The following CHD9 variants were observed in gnomAD, a reference collection of about 807,000 sequenced individuals.
The protein encoded by CHD9 is ATP-dependent chromatin remodeler CHD9.
Under a neutral mutation model 316.1 loss-of-function variants are expected in CHD9, and 77 were observed. The ratio of observed to expected loss-of-function variants is 0.24; its 90% CI spans 0.20 to 0.29. CHD9 has a LOEUF of 0.29. Among genes scored for constraint, CHD9 ranks in the 10% least tolerant of loss-of-function variants. The pLI, the probability that CHD9 is intolerant of heterozygous loss-of-function variation, is 1.00. For missense variants in CHD9, 2,763 were observed against 3,438.1 expected, an observed-to-expected ratio of 0.80 and a Z score of 4.91; for synonymous variants, 1,129 against 1,158.3, an observed-to-expected ratio of 0.97 and a Z score of 0.51.
At chr16:53,295,667 A>G (rs1162261887) in intron 29 of CHD9, among the ~76,000 whole-genome samples, 2 of 152,132 alleles carry the variant, frequency 1.3e-5, no homozygotes, top group Non-Finnish European at 2.9e-5. Context: ...CTTATTACCC[A>G]GATTTAATGA....
chr16:53,068,944 C>T (rs2033763500), intron 1 of CHD9, among the ~76,000 whole-genome samples: 1 of 152,196 alleles, frequency 6.6e-6, no homozygotes, highest in Admixed American at 6.5e-5. Flanking sequence ...TGGTAAAATA[C>T]ACATGACATT....
intron 1 of CHD9, among the ~76,000 whole-genome samples, chr16:53,114,160 A>T (rs2038089806): frequency 3.3e-5 from 5 of 152,138 alleles, no homozygotes; most frequent in Non-Finnish European, 7.4e-5. Context: ...AAACATATGA[A>T]CAAGCATTTT....
At chr16:53,260,585 G>C (rs934055643) in intron 19 of CHD9, among the ~76,000 whole-genome samples, 2 of 152,178 alleles carry the variant, frequency 1.3e-5, no homozygotes, top group African/African-American at 4.8e-5. Context: ...AAGCCCATGA[G>C]GTTCATGGCT....
At chr16:53,059,166 T>C (rs753290077) in intron 1 of CHD9, among the ~76,000 whole-genome samples, 13 of 152,196 alleles carry the variant, frequency 8.5e-5, no homozygotes, top group Admixed American at 3.3e-4. Flanking sequence ...ATCAGAAATC[T>C]CAGGACGTGG....
rs772443637 is a variant in CHD9, at chr16:53,209,570, G to GA, written c.1547dup (p.Val517GlyfsTer11). The GA allele has an allele frequency of 6.2e-7, 1 of 1,613,718 alleles. No homozygotes were observed. Among genetic ancestry groups the GA allele is most frequent in the East Asian group, 2.2e-5 (1 of 44,858 alleles). On this transcript the variant is annotated frameshift_variant, in exon 3 of 39. Coordinates refer to ENST00000447540, the MANE Select transcript of CHD9 (RefSeq NM_001308319.2). LOFTEE classifies it high-confidence loss of function. ...AGGGTCATGTCTGAGAAGAAGCAGA[G>GA]AAAAAAGGTGGAATCAGAAAGCAAG...
At chr16:53,309,705 C>T (rs1308307731) in intron 34 of CHD9, among the ~76,000 whole-genome samples, 3 of 152,130 alleles carry the variant, frequency 2.0e-5, no homozygotes, top group South Asian at 2.1e-4. Flanking sequence ...TGACCTCAAA[C>T]GATCCTCCCA....
At chr16:53,069,341 A>G (rs1567305643) in intron 1 of CHD9, among the ~76,000 whole-genome samples, 1 of 152,128 alleles carries the variant, frequency 6.6e-6, no homozygotes, top group Non-Finnish European at 1.5e-5. Context: ...GTGCGTTCAC[A>G]TTGTTGTACA....
intron 1 of CHD9, among the ~76,000 whole-genome samples, chr16:53,066,606 C>T (rs1470436009): frequency 1.3e-5 from 2 of 152,254 alleles, no homozygotes; most frequent in East Asian, 3.9e-4. Flanking sequence ...AGGAAGGCTG[C>T]TAGTCTAATG....
At chr16:53,289,568 CA>C (rs2054160183) in intron 27 of CHD9, among the ~76,000 whole-genome samples, 1 of 152,062 alleles carries the variant, frequency 6.6e-6, no homozygotes, top group Non-Finnish European at 1.5e-5. Flanking sequence ...TCGTCTGGAC[CA>C]ATCAGGAGAG....
chr16:53,095,351 G>C (rs1322325742), intron 1 of CHD9, among the ~76,000 whole-genome samples: 1 of 151,980 alleles, frequency 6.6e-6, no homozygotes, highest in African/African-American at 2.4e-5. Flanking sequence ...TTCAAGACCA[G>C]CCTGGGCAAC....
intron 22 of CHD9, among the ~76,000 whole-genome samples, chr16:53,270,657 G>A (rs1481061035): frequency 2.0e-5 from 3 of 152,012 alleles, no homozygotes; most frequent in African/African-American, 4.8e-5. Flanking sequence ...TTTAAAATAA[G>A]CATAAACTCT....
intron 1 of CHD9, among the ~76,000 whole-genome samples, chr16:53,145,724 AC>A (rs750873011): frequency 9.2e-5 from 14 of 151,996 alleles, no homozygotes; most frequent in Non-Finnish European, 1.0e-4. Context: ...AAATTGGGTC[AC>A]AGTTTGGGAT....
intron 2 of CHD9, among the ~76,000 whole-genome samples, chr16:53,179,042 G>A (rs962168306): frequency 9.2e-5 from 14 of 152,048 alleles, no homozygotes; most frequent in Admixed American, 5.9e-4. Flanking sequence ...AATTAAAAAC[G>A]AAATTGTCTT....
At chr16:53,298,795 C>CAT (rs1158467984) in intron 30 of CHD9, 2 of 155,420 alleles carry the variant, frequency 1.3e-5, no homozygotes, top group Non-Finnish European at 2.9e-5. Context: ...TTAAAGACCC[C>CAT]ATAGCTCATT....
At chr16:53,254,707 A>G (rs1433228997) in intron 18 of CHD9, 102 bp downstream of exon 18, 1 of 1,018,510 alleles carries the variant, frequency 9.8e-7, no homozygotes, top group African/African-American at 1.6e-5. Flanking sequence ...AGAATACTAA[A>G]CACATTTGTT....
At chr16:53,119,401 A>C (rs949671611) in intron 1 of CHD9, among the ~76,000 whole-genome samples, 2 of 152,276 alleles carry the variant, frequency 1.3e-5, no homozygotes, top group South Asian at 2.1e-4. Flanking sequence ...AGATTGTGAT[A>C]ATTGTTATTT....
intron 1 of CHD9, among the ~76,000 whole-genome samples, chr16:53,154,870 A>G (rs1270555100): frequency 6.6e-6 from 1 of 152,158 alleles, no homozygotes; most frequent in Non-Finnish European, 1.5e-5. Flanking sequence ...AGTAAAAATC[A>G]TTTCAGTAAA....
At chr16:53,057,876 C>T (rs2032352698) in intron 1 of CHD9, among the ~76,000 whole-genome samples, 1 of 151,986 alleles carries the variant, frequency 6.6e-6, no homozygotes, top group East Asian at 1.9e-4. Context: ...TACTTAGTGC[C>T]ACATTTTTTG....
intron 23 of CHD9, among the ~76,000 whole-genome samples, 174 bp downstream of exon 23, chr16:53,273,959 T>C (rs2052544208): frequency 6.6e-6 from 1 of 152,222 alleles, no homozygotes; most frequent in Admixed American, 6.5e-5. Context: ...GTGTCATTGT[T>C]CTCACCAACA....
Sources: gnomAD v4.1 joint callset for allele counts (sites outside exome capture counted in the v4.1 genomes callset) on GRCh38, gnomAD v4.1.1 for gene constraint, MANE v1.5 for transcripts, NCBI Gene and HGNC (gene_info 2026-07-23, HGNC 2026-07-21) for gene names.